DPP6: variants seen among roughly 807,000 people sequenced by gnomAD.
DPP6 encodes the protein dipeptidyl peptidase like 6, also known as A-type potassium channel modulatory protein DPP6.
DPP6 carries 69 observed loss-of-function variants against 122.6 expected under a neutral mutation model. That is an observed-to-expected ratio of 0.56 (90% confidence interval 0.46 to 0.69). The LOEUF (loss-of-function observed/expected upper bound fraction) is 0.69, where lower values mean the gene tolerates loss of function less well. DPP6 is among the 30% of genes least tolerant of loss of function. The pLI is 0.00. For missense variants in DPP6, 928 were observed against 1,116.9 expected (o/e 0.83, Z 2.41); for synonymous variants, 418 against 433.1 (o/e 0.97, Z 0.43).
chr7:154,129,757 A>G (rs374116050), intron 1 of DPP6, among the ~76,000 whole-genome samples: 2 of 152,098 alleles, frequency 1.3e-5, no homozygotes, highest in South Asian at 2.1e-4. Flanking sequence ...ACAATTAGCC[A>G]GGCGTGGTGG....
chr7:154,476,130 A>T (rs1822714281), intron 3 of DPP6, among the ~76,000 whole-genome samples: 3 of 152,200 alleles, frequency 2.0e-5, no homozygotes, highest in African/African-American at 7.2e-5. Context: ...GCTTAGGGGC[A>T]ATCACTTTTC....
At chr7:154,502,786 T>G (rs1393126793) in intron 3 of DPP6, among the ~76,000 whole-genome samples, 1 of 152,200 alleles carries the variant, frequency 6.6e-6, no homozygotes, top group African/African-American at 2.4e-5. Context: ...TTGTAGTTCG[T>G]AGGAAGGCCA....
At chr7:154,643,827 A>C (rs938827566) in intron 6 of DPP6, among the ~76,000 whole-genome samples, 4 of 152,096 alleles carry the variant, frequency 2.6e-5, no homozygotes, top group Non-Finnish European at 4.4e-5. Flanking sequence ...CAGTCTCAAG[A>C]AGGAAGTTTG....
At chr7:154,415,798 G>A (rs74661154) in intron 1 of DPP6, among the ~76,000 whole-genome samples, 7,916 of 150,170 alleles carry the variant, frequency 0.053, 653 homozygotes, top group African/African-American at 0.17. Context: ...CATTTTCCCC[G>A]TTACAGATTG....
intron 1 of DPP6, among the ~76,000 whole-genome samples, chr7:154,233,632 G>T (rs1431805845): frequency 1.3e-5 from 2 of 152,102 alleles, no homozygotes; most frequent in African/African-American, 4.8e-5. Context: ...ACAAGCCAAG[G>T]GGCACCAGAG....
intron 1 of DPP6, among the ~76,000 whole-genome samples, chr7:154,283,852 A>G (rs977695416): frequency 1.3e-5 from 2 of 152,204 alleles, no homozygotes; most frequent in African/African-American, 4.8e-5. Context: ...CCTTATTCTG[A>G]CATCATAAGA....
intron 3 of DPP6, among the ~76,000 whole-genome samples, chr7:154,516,143 G>A (rs1056182960): frequency 6.6e-6 from 1 of 152,052 alleles, no homozygotes; most frequent in Non-Finnish European, 1.5e-5. Context: ...AGACTCTTGC[G>A]GCACCAGCTC....
the DPP6 span, among the ~76,000 whole-genome samples, chr7:153,844,015 A>C: frequency 6.6e-6 from 1 of 152,166 alleles, no homozygotes; most frequent in East Asian, 1.9e-4. Context: ...GCTCTCCACA[A>C]GGGTCGCATT....
chr7:154,630,307 T>G lies in DPP6; in HGVS notation c.628-7514T>G, dbSNP rs561268103. ...ACAGGCAGGCCAGACAGGGGCAACTTTGGCTACTCCAGCATCCCAAACTAG... is the reference window on the plus strand; with the variant it reads ...ACAGGCAGGCCAGACAGGGGCAACTGTGGCTACTCCAGCATCCCAAACTAG... On this transcript the variant is annotated intron_variant, in intron 5 of 25. Transcript: ENST00000377770. Among the ~76,000 whole-genome samples, 20 of 152,206 alleles carry G rather than the reference T, an allele frequency of 1.3e-4. No homozygotes were observed. In the South Asian group the frequency reaches 3.7e-3, roughly 28 times the overall value.
At chr7:154,848,742 A>T (rs559584740) in intron 16 of DPP6, among the ~76,000 whole-genome samples, 1 of 152,186 alleles carries the variant, frequency 6.6e-6, no homozygotes, top group South Asian at 2.1e-4. Flanking sequence ...GCCCAGACCA[A>T]TGTCATGGAG....
chr7:154,566,814 A>C (rs1227363753), intron 4 of DPP6, 28 bp from the exon 5 acceptor site: 1 of 1,346,966 alleles, frequency 7.4e-7, no homozygotes, highest in Non-Finnish European at 1.1e-6. Flanking sequence ...GTAATGCTTT[A>C]AAATTCTTTG....
intron 1 of DPP6, among the ~76,000 whole-genome samples, chr7:154,208,541 A>G (rs1366036795): frequency 6.6e-6 from 1 of 152,246 alleles, no homozygotes; most frequent in Non-Finnish European, 1.5e-5. Context: ...AGTAAGCGCT[A>G]TGTACTTACA....
intron 5 of DPP6, among the ~76,000 whole-genome samples, chr7:154,635,799 G>T (rs1835695344): frequency 6.6e-6 from 1 of 152,176 alleles, no homozygotes; most frequent in Non-Finnish European, 1.5e-5. Context: ...AGTCTAACGG[G>T]TATGAGCCTC....
intron 11 of DPP6, among the ~76,000 whole-genome samples, chr7:154,795,181 T>A (rs1313152565): frequency 1.3e-5 from 2 of 152,162 alleles, no homozygotes; most frequent in East Asian, 1.9e-4. Context: ...GCCTTGAGTG[T>A]CAGTGGCAAA....
chr7:153,756,282 T>A, the DPP6 span, among the ~76,000 whole-genome samples: 1 of 151,470 alleles, frequency 6.6e-6, no homozygotes, highest in Non-Finnish European at 1.5e-5. Context: ...CTTTCATCCC[T>A]AATATAACAT....
chr7:153,948,175 T>G (rs1323726266), intron 1 of DPP6, among the ~76,000 whole-genome samples: 1 of 152,194 alleles, frequency 6.6e-6, no homozygotes, highest in Non-Finnish European at 1.5e-5. Context: ...TTGCCATGAT[T>G]TTTTTTCAAA....
chr7:154,008,021 C>T (rs1055258659), intron 1 of DPP6, among the ~76,000 whole-genome samples: 10 of 152,162 alleles, frequency 6.6e-5, no homozygotes, highest in African/African-American at 2.2e-4. Flanking sequence ...AAGAAAAGGA[C>T]CCTGCTGAAC....
chr7:154,594,732 T>C (rs1832991441), intron 5 of DPP6, among the ~76,000 whole-genome samples: 1 of 152,132 alleles, frequency 6.6e-6, no homozygotes, highest in Non-Finnish European at 1.5e-5. Context: ...ACGTTGAACT[T>C]ACAGTAAACG....
intron 25 of DPP6, 67 bp from the exon 26 acceptor site, chr7:154,892,264 CCTT>C (rs1806677442): frequency 2.5e-6 from 4 of 1,605,002 alleles, no homozygotes; most frequent in African/African-American, 2.7e-5. Context: ...AAACTCCACA[CCTT>C]CTGTGCGTTC....
Sources: gnomAD v4.1 joint callset for allele counts (sites outside exome capture counted in the v4.1 genomes callset) on GRCh38, gnomAD v4.1.1 for gene constraint, MANE v1.5 for transcripts, NCBI Gene and HGNC (gene_info 2026-07-23, HGNC 2026-07-21) for gene names.